Variants in MON2 observed in about 807,000 individuals in gnomAD.
The protein encoded by MON2 is MON2 regulator of endosome-to-Golgi trafficking.
A neutral mutation model predicts 208.6 loss-of-function variants in MON2; 84 were observed. The observed-to-expected ratio is 0.40, with a 90% CI of 0.34 to 0.48. The LOEUF (loss-of-function observed/expected upper bound fraction) is 0.48. MON2 is among the 20% of genes least tolerant of loss of function. The pLI is 0.59. For synonymous variants in MON2, 660 were observed against 694.0 expected (o/e 0.95, Z 0.77); for missense variants, 1,611 against 2,015.4 (o/e 0.80, Z 3.84).
intron 8 of MON2, among the ~76,000 whole-genome samples, chr12:62,523,411 T>C (rs138692321): frequency 1.3e-5 from 2 of 152,346 alleles, no homozygotes; most frequent in African/African-American, 4.8e-5. Context: ...TTGAGCCACC[T>C]GACTCCTGAT....
intron 34 of MON2, among the ~76,000 whole-genome samples, chr12:62,591,236 A>C (rs756882125): frequency 1.3e-5 from 2 of 152,222 alleles, no homozygotes; most frequent in African/African-American, 2.4e-5. Flanking sequence ...TACAAATGAA[A>C]TGTGATGTGA....
Position 62,597,365 on chromosome 12 carries a change from C to A in MON2, c.*4616C>A, listed in dbSNP as rs753187345. ...AGCTCTTTCTCTAATTGTGCCTATT[C>A]CTTGTTCATAAGAAGTGGAGCTGTT... On this transcript the variant is annotated 3_prime_UTR_variant, in exon 35 of 35. Transcript: ENST00000393630. The A allele has an allele frequency of 2.0e-5, 3 of 152,032 alleles. No individual in the cohort carries two copies. The highest frequency in any genetic ancestry group is 4.4e-5 in the Non-Finnish European group (3 of 68,010). The allele number at this position is 152,032 out of a possible 1,614,324, so 9.4% of individuals were successfully genotyped here. A position where few individuals can be genotyped will look rare whatever the true frequency, so the allele number is the denominator to read the frequency against.
At position 62,478,041 on chromosome 12, in the gene MON2, T is replaced by G. The variant is rs113624213; in HGVS notation, c.112-6129T>G. ...CTCTGGATCAGACTTCCTCTGCATG[T>G]TTCAATTTGTGATACAGTAAAGTCC... is the stretch of plus-strand genomic sequence containing the variant. On this transcript the variant is annotated intron_variant, in intron 1 of 34. Transcript: ENST00000393630. 4.7e-3 allele frequency among the ~76,000 whole-genome samples: 722 copies of G among 152,266 alleles called. 6 individuals carry two copies. The highest frequency in any genetic ancestry group is 0.016 in the African/African-American group (667 of 41,538).
At chr12:62,497,346 A>G (rs1460913898) in intron 4 of MON2, among the ~76,000 whole-genome samples, 6 of 152,194 alleles carry the variant, frequency 3.9e-5, no homozygotes, top group African/African-American at 1.4e-4. Flanking sequence ...CAGACAACCC[A>G]ATTAAGTATG....
At chr12:62,565,941 G>A (rs904503163) in intron 27 of MON2, 73 bp from the exon 28 acceptor site, 60 of 1,328,648 alleles carry the variant, frequency 4.5e-5, no homozygotes, top group Admixed American at 1.9e-4. Context: ...ATTTTATATC[G>A]TCCGAAAGTA....
Position 62,543,716 on chromosome 12 carries a change from T to C in MON2, c.2466+518T>C, listed in dbSNP as rs2073346449. On this transcript the variant is annotated intron_variant, in intron 20 of 34. Coordinates refer to ENST00000393630, the MANE Select transcript of MON2 (RefSeq NM_015026.3). ...GCCGCCTCTCAGGTTCAGGCAATTCTCCTGCCTCAGCCTCCCGAGTAGCTG... is the reference window on the plus strand; with the variant it reads ...GCCGCCTCTCAGGTTCAGGCAATTCCCCTGCCTCAGCCTCCCGAGTAGCTG... 1.3e-5 allele frequency among the ~76,000 whole-genome samples: 2 copies of C among 152,128 alleles called. 1 individual carries two copies. The highest frequency in any genetic ancestry group is 4.1e-4 in the South Asian group (2 of 4,832).
intron 3 of MON2, among the ~76,000 whole-genome samples, chr12:62,494,622 A>AT (rs532901300): frequency 1.3e-5 from 2 of 151,896 alleles, no homozygotes; most frequent in East Asian, 1.9e-4. Context: ...TATGGGTTGC[A>AT]TTTTTTTTCT....
At chr12:62,564,745 T>C (rs2074316539) in intron 26 of MON2, among the ~76,000 whole-genome samples, 1 of 152,186 alleles carries the variant, frequency 6.6e-6, no homozygotes, top group Non-Finnish European at 1.5e-5. Context: ...ACATTTCTTT[T>C]AGAAACAAAT....
intron 1 of MON2, among the ~76,000 whole-genome samples, chr12:62,471,962 C>T (rs1274482069): frequency 2.6e-5 from 4 of 151,960 alleles, no homozygotes; most frequent in Non-Finnish European, 5.9e-5. Flanking sequence ...TGCTTTCTTG[C>T]GAAGATAAGA....
intron 12 of MON2, among the ~76,000 whole-genome samples, chr12:62,533,992 TG>T (rs2072783076): frequency 6.6e-6 from 1 of 152,196 alleles, no homozygotes; most frequent in African/African-American, 2.4e-5. Context: ...TCTCAGTGTA[TG>T]TAATCAGTCT....
At chr12:62,566,282 C>T (rs1393487972) in intron 28 of MON2, 40 bp from the exon 29 acceptor site, 2 of 1,585,666 alleles carry the variant, frequency 1.3e-6, no homozygotes, top group Non-Finnish European at 1.7e-6. Flanking sequence ...AATTTAATCT[C>T]AGTTTATTTT....
At chr12:62,526,987 A>T (rs7964563) in intron 11 of MON2, among the ~76,000 whole-genome samples, 102,972 of 151,892 alleles carry the variant, frequency 0.68, 35,206 homozygotes, top group African/African-American at 0.78. Flanking sequence ...ATTAGCTGGA[A>T]TGGTGGTGTG....
At chr12:62,516,892 AT>A (rs1451408284) in intron 8 of MON2, among the ~76,000 whole-genome samples, 21 of 152,318 alleles carry the variant, frequency 1.4e-4, no homozygotes, top group South Asian at 4.1e-4. Context: ...TTAAAAAAAA[AT>A]ATTTTTAAGT....
chr12:62,585,125 CAAA>C (rs750233421), intron 32 of MON2, among the ~76,000 whole-genome samples, 166 bp from the exon 33 acceptor site: 2 of 64,274 alleles, frequency 3.1e-5, no homozygotes, highest in South Asian at 4.7e-4. Flanking sequence ...CAAAAAAAAA[CAAA>C]AAAAAAACAC....
intron 4 of MON2, among the ~76,000 whole-genome samples, chr12:62,497,967 A>G (rs927406552): frequency 6.6e-6 from 1 of 151,980 alleles, no homozygotes; most frequent in African/African-American, 2.4e-5. Flanking sequence ...TGACCCATCC[A>G]TTTCACTTCC....
intron 12 of MON2, among the ~76,000 whole-genome samples, chr12:62,534,015 C>G (rs1392357492): frequency 1.3e-5 from 2 of 152,180 alleles, no homozygotes; most frequent in Non-Finnish European, 2.9e-5. Flanking sequence ...CTGGCTGAGC[C>G]AGTTTGTTAC....
At chr12:62,523,332 T>C (rs1273681820) in intron 8 of MON2, among the ~76,000 whole-genome samples, 1 of 152,192 alleles carries the variant, frequency 6.6e-6, no homozygotes, top group African/African-American at 2.4e-5. Context: ...GATGTAGATA[T>C]TTTCATCCTT....
At chr12:62,581,613 A>G (rs1476673297) in intron 32 of MON2, among the ~76,000 whole-genome samples, 29 of 152,176 alleles carry the variant, frequency 1.9e-4, no homozygotes, top group Admixed American at 1.8e-3. Flanking sequence ...AGACGGGCAG[A>G]TCACTTAAGG....
chr12:62,565,114 A>G, intron 26 of MON2, 123 bp from the exon 27 acceptor site: 1 of 927,124 alleles, frequency 1.1e-6, no homozygotes, highest in African/African-American at 1.7e-5. Context: ...GGCTCAGAAA[A>G]GATGGTATAA....
Sources: gnomAD v4.1 joint callset for allele counts (sites outside exome capture counted in the v4.1 genomes callset) on GRCh38, gnomAD v4.1.1 for gene constraint, MANE v1.5 for transcripts, NCBI Gene and HGNC (gene_info 2026-07-23, HGNC 2026-07-21) for gene names.